The following RNF182 variants were observed in gnomAD, a reference collection of about 807,000 sequenced individuals.
RNF182 encodes the protein E3 ubiquitin-protein ligase RNF182.
In RNF182, 15 loss-of-function variants were observed where a neutral mutation model predicts 14.4. That is an observed-to-expected ratio of 1.04 (90% confidence interval 0.70 to 1.60). RNF182 has a LOEUF of 1.60. Among genes scored for constraint, RNF182 ranks in the 40% most tolerant of loss-of-function variants. The pLI is 0.00. For synonymous variants in RNF182, 128 were observed against 122.9 expected, an observed-to-expected ratio of 1.04 and a Z score of -0.27; for missense variants, 268 against 294.8, an observed-to-expected ratio of 0.91 and a Z score of 0.67.
At position 13,960,692 on chromosome 6, in the gene RNF182, T is replaced by TGTGTGCGCGCGC. The variant is rs367625022; in HGVS notation, c.-366-13517_-366-13516insTGTGCGCGCGCG. Among the ~76,000 whole-genome samples, 417 of 137,798 alleles carry TGTGTGCGCGCGC rather than the reference T, an allele frequency of 3.0e-3. 6 individuals carry two copies. Among genetic ancestry groups the TGTGTGCGCGCGC allele is most frequent in the African/African-American group, 1.0e-2 (393 of 39,356 alleles). 90.4% of individuals were successfully genotyped at this position (137,798 alleles called of 152,430 possible). On this transcript the variant is annotated intron_variant, in intron 1 of 2. Coordinates refer to ENST00000488300, the MANE Select transcript of RNF182 (RefSeq NM_152737.4). ...GTGTGTGTGTGTGTGTGTGTGTGTG[T>TGTGTGCGCGCGC]GCGCGCGTGCACATGCATGTGATGT...
In RNF182 at chr6:13,977,464, G is replaced by A; in HGVS notation, c.345G>A (p.Leu115=). Residue 115 remains leucine, a synonymous_variant, in exon 3 of 3, where the codon CTG becomes CTA. Transcript: ENST00000488300. ...AGCTGCTGCTCACCCCCAAGAGGCT[G>A]GCCTCTCTGGTCAGTCCTTCTCACA... ...PTELLLTPKR[L]ASLVSPSHTS... is the part of the protein sequence containing the mutation. 1 of 1,614,138 alleles carries A rather than the reference G, an allele frequency of 6.2e-7. No homozygotes were observed. The highest frequency in any genetic ancestry group is 8.5e-7 in the Non-Finnish European group (1 of 1,180,008).
intron 1 of RNF182, among the ~76,000 whole-genome samples, chr6:13,953,551 G>A (rs370790342): frequency 1.3e-5 from 2 of 152,154 alleles, no homozygotes; most frequent in Non-Finnish European, 2.9e-5. Context: ...TTATATTCAC[G>A]AGTCATGGAA....
At chr6:13,936,562 T>G (rs1759116336) in intron 1 of RNF182, among the ~76,000 whole-genome samples, 1 of 152,224 alleles carries the variant, frequency 6.6e-6, no homozygotes, top group Non-Finnish European at 1.5e-5. Context: ...GTGGGAAATT[T>G]CTTAAGTAAC....
intron 1 of RNF182, 195 bp downstream of exon 1, chr6:13,925,218 C>A (rs978690746): frequency 6.6e-6 from 1 of 151,538 alleles, no homozygotes; most frequent in Admixed American, 6.6e-5. Flanking sequence ...CCACGGGGGC[C>A]GCCGTCCTGG....
intron 2 of RNF182, 43 bp from the exon 3 acceptor site, chr6:13,976,866 A>G: frequency 2.3e-6 from 1 of 427,878 alleles, no homozygotes; most frequent in East Asian, 3.5e-5. Flanking sequence ...ACACCGTTTC[A>G]GTGAACTGTT....
intron 1 of RNF182, among the ~76,000 whole-genome samples, chr6:13,948,572 A>G (rs528056992): frequency 6.6e-6 from 1 of 152,342 alleles, no homozygotes; most frequent in Admixed American, 6.5e-5. Flanking sequence ...TAAGTCAAAT[A>G]TGCCATTATT....
At position 13,977,015 on chromosome 6, in the gene RNF182, TGCATCGCTGC is replaced by T; in HGVS notation, c.-104_-95del. ...TCTTTCACTACTTATCCTGCCTTTT[TGCATCGCTGC>T]CAGATTTGGATGATATGATATTCAG... On this transcript the variant is annotated 5_prime_UTR_variant, in exon 3 of 3. The change creates a premature stop within an existing upstream ORF in the 5' untranslated region. Transcript: ENST00000488300. 1.6e-6 allele frequency: 2 copies of T among 1,240,522 alleles called. No individual in the cohort carries two copies. Among genetic ancestry groups the T allele is most frequent in the Admixed American group, 2.2e-5 (1 of 44,672 alleles). The allele number at this position is 1,240,522 out of a possible 1,614,324, so 76.8% of individuals were successfully genotyped here.
intron 1 of RNF182, among the ~76,000 whole-genome samples, chr6:13,958,521 G>A (rs1759785422): frequency 6.6e-6 from 1 of 152,198 alleles, no homozygotes; most frequent in Non-Finnish European, 1.5e-5. Context: ...TCATGGATAG[G>A]AAGAGGTGGG....
Position 13,977,335 on chromosome 6 carries a change from C to T in RNF182, c.216C>T (p.Cys72=). Residue 72 remains cysteine (C), a synonymous_variant, in exon 3 of 3, where the codon TGC becomes TGT. Coordinates refer to ENST00000488300, the MANE Select transcript of RNF182 (RefSeq NM_152737.4). ...IVCPFCRFET[C]LPDDEVSSLP... is the part of the protein sequence containing the mutation. ...GTCCTTTCTGCAGGTTTGAGACGTG[C>T]CTGCCAGATGATGAAGTTAGTAGCC... 6.2e-7 allele frequency: 1 copy of T among 1,614,160 alleles called. No individual in the cohort carries two copies. The highest frequency in any genetic ancestry group is 8.5e-7 in the Non-Finnish European group (1 of 1,180,028).
At chr6:13,947,678 T>C (rs1320339553) in intron 1 of RNF182, among the ~76,000 whole-genome samples, 11 of 152,194 alleles carry the variant, frequency 7.2e-5, no homozygotes, top group Non-Finnish European at 1.5e-5. Context: ...GAAAGTGACA[T>C]TCTTTACTTG....
At chr6:13,935,403 T>G (rs757357501) in intron 1 of RNF182, among the ~76,000 whole-genome samples, 10 of 152,174 alleles carry the variant, frequency 6.6e-5, no homozygotes, top group Non-Finnish European at 1.0e-4. Flanking sequence ...ATTTTCCATA[T>G]TTCACACACA....
rs559241502 is a variant in RNF182 at position 13,960,227 on chromosome 6, C to G, written c.-366-13983C>G. On this transcript the variant is annotated intron_variant, in intron 1 of 2. Coordinates refer to ENST00000488300, the MANE Select transcript of RNF182 (RefSeq NM_152737.4). Reference sequence around the variant, plus strand: ...AGGAACCTTGTCTTGATTGTCTTTGCATCCCCAGCATCTTGCACATGGTAT... The same window carrying G: ...AGGAACCTTGTCTTGATTGTCTTTGGATCCCCAGCATCTTGCACATGGTAT... Among the ~76,000 whole-genome samples the G allele has an allele frequency of 1.5e-3, 232 of 152,288 alleles. 1 individual carries two copies. Among genetic ancestry groups the G allele is most frequent in the African/African-American group, 5.4e-3 (226 of 41,560 alleles).
chr6:13,951,433 G>T (rs1005328813), intron 1 of RNF182, among the ~76,000 whole-genome samples: 8 of 152,208 alleles, frequency 5.3e-5, no homozygotes, highest in Admixed American at 4.6e-4. Context: ...TCTCTCAGTT[G>T]GGGTGGGGAC....
intron 1 of RNF182, among the ~76,000 whole-genome samples, chr6:13,973,131 C>T (rs1341547404): frequency 6.6e-6 from 1 of 152,150 alleles, no homozygotes; most frequent in Non-Finnish European, 1.5e-5. Flanking sequence ...TTTGGCTGCC[C>T]TGCTGGATTT....
chr6:13,942,317 G>C (rs1759317635), intron 1 of RNF182, among the ~76,000 whole-genome samples: 1 of 152,050 alleles, frequency 6.6e-6, no homozygotes, highest in Admixed American at 6.6e-5. Flanking sequence ...AGAGGTTCTT[G>C]AATCAGTTTT....
chr6:13,946,692 G>A (rs1759449139), intron 1 of RNF182, among the ~76,000 whole-genome samples: 1 of 152,128 alleles, frequency 6.6e-6, no homozygotes, highest in African/African-American at 2.4e-5. Flanking sequence ...AATTCAAGAT[G>A]GAGTCACTCT....
chr6:13,949,086 G>A, intron 1 of RNF182: 1 of 719,112 alleles, frequency 1.4e-6, no homozygotes, highest in Non-Finnish European at 2.6e-6. Flanking sequence ...ATTTTTTGTT[G>A]ATGGCAAGAT....
intron 1 of RNF182, among the ~76,000 whole-genome samples, chr6:13,940,559 A>G (rs537790939): frequency 3.3e-5 from 5 of 151,752 alleles, no homozygotes; most frequent in African/African-American, 1.2e-4. Flanking sequence ...CAGTGAACTT[A>G]TTTTGACTTT....
chr6:13,948,221 A>G (rs1317919619), intron 1 of RNF182, among the ~76,000 whole-genome samples: 2 of 152,152 alleles, frequency 1.3e-5, no homozygotes, highest in Non-Finnish European at 1.5e-5. Flanking sequence ...CAAAGCTGTG[A>G]AAGTCCTGCT....
Sources: gnomAD v4.1 joint callset for allele counts (sites outside exome capture counted in the v4.1 genomes callset) on GRCh38, gnomAD v4.1.1 for gene constraint, MANE v1.5 for transcripts, NCBI Gene and HGNC (gene_info 2026-07-23, HGNC 2026-07-21) for gene names.